Variants in SEMA5A observed in about 807,000 individuals in gnomAD.
SEMA5A encodes the protein semaphorin-5A.
In SEMA5A, 55 loss-of-function variants were observed where a neutral mutation model predicts 135.5. The observed-to-expected ratio is 0.41, with a 90% CI of 0.33 to 0.51. The LOEUF (loss-of-function observed/expected upper bound fraction) is 0.51, where lower values mean the gene tolerates loss of function less well. Among genes scored for constraint, SEMA5A ranks in the 20% least tolerant of loss-of-function variants. The pLI, the probability that SEMA5A is intolerant of heterozygous loss-of-function variation, is 0.37. For missense variants in SEMA5A, 1,290 were observed against 1,419.9 expected, an observed-to-expected ratio of 0.91 and a Z score of 1.47; for synonymous variants, 580 against 546.5, an observed-to-expected ratio of 1.06 and a Z score of -0.85.
chr5:9,537,603 C>T (rs1257982735), intron 1 of SEMA5A, among the ~76,000 whole-genome samples: 1 of 152,126 alleles, frequency 6.6e-6, no homozygotes, highest in African/African-American at 2.4e-5. Context: ...AAAACATGGT[C>T]GTTCTGTAAA....
At chr5:9,295,309 A>G (rs1751282075) in intron 5 of SEMA5A, among the ~76,000 whole-genome samples, 2 of 152,170 alleles carry the variant, frequency 1.3e-5, no homozygotes, top group Admixed American at 6.5e-5. Context: ...CTCTCATCCT[A>G]ACTGCCTTTT....
intron 1 of SEMA5A, among the ~76,000 whole-genome samples, chr5:9,490,927 T>C (rs1734970049): frequency 6.6e-6 from 1 of 152,224 alleles, no homozygotes. Context: ...TGTCTTCTTC[T>C]AGATATACAA....
At chr5:9,102,353 G>A (rs1408898586) in intron 16 of SEMA5A, among the ~76,000 whole-genome samples, 1 of 152,024 alleles carries the variant, frequency 6.6e-6, no homozygotes, top group Non-Finnish European at 1.5e-5. Flanking sequence ...ATACTTTTTT[G>A]AAGTCTAGGA....
At chr5:9,442,177 G>T (rs376458911) in intron 1 of SEMA5A, among the ~76,000 whole-genome samples, 1 of 152,208 alleles carries the variant, frequency 6.6e-6, no homozygotes, top group Admixed American at 6.5e-5. Context: ...CTTTGTTTTG[G>T]GGGGGCTTTA....
intron 1 of SEMA5A, among the ~76,000 whole-genome samples, chr5:9,493,570 A>G (rs1413210557): frequency 1.3e-5 from 2 of 152,194 alleles, no homozygotes; most frequent in East Asian, 3.8e-4. Context: ...AATGGAACTA[A>G]GAAGAGAAAA....
intron 1 of SEMA5A, among the ~76,000 whole-genome samples, chr5:9,442,946 A>G (rs565762151): frequency 4.3e-4 from 65 of 152,342 alleles, no homozygotes; most frequent in African/African-American, 1.5e-3. Context: ...AAAGGACACT[A>G]TTTTTGGAAT....
chr5:9,111,450 C>CACT (rs1740234565), intron 15 of SEMA5A, among the ~76,000 whole-genome samples: 1 of 152,176 alleles, frequency 6.6e-6, no homozygotes. Context: ...GACAGCAGGC[C>CACT]ACTCCTGAAA....
chr5:9,345,976 G>A (rs894106811), intron 3 of SEMA5A, among the ~76,000 whole-genome samples: 5 of 152,144 alleles, frequency 3.3e-5, no homozygotes, highest in Non-Finnish European at 7.4e-5. Context: ...GAGGGTCCCT[G>A]GAGAAGAATC....
chr5:9,478,303 T>A (rs1759747511), intron 1 of SEMA5A, among the ~76,000 whole-genome samples: 1 of 152,112 alleles, frequency 6.6e-6, no homozygotes, highest in Admixed American at 6.5e-5. Context: ...CAGTGTGGGG[T>A]TGGAGGCCCC....
intron 13 of SEMA5A, among the ~76,000 whole-genome samples, chr5:9,130,894 GC>G (rs1275381364): frequency 6.6e-6 from 1 of 152,122 alleles, no homozygotes; most frequent in African/African-American, 2.4e-5. Flanking sequence ...CTTTCCCAGT[GC>G]AGTTTTGGAA....
intron 6 of SEMA5A, 44 bp from the exon 7 acceptor site, chr5:9,227,011 G>A (rs1391183115): frequency 6.2e-5 from 56 of 901,496 alleles, no homozygotes; most frequent in Admixed American, 3.9e-4. Context: ...ATATATATAT[G>A]TATAATGATA....
chr5:9,401,391 A>C (rs1756655926), intron 2 of SEMA5A, among the ~76,000 whole-genome samples: 1 of 152,192 alleles, frequency 6.6e-6, no homozygotes, highest in Admixed American at 6.5e-5. Flanking sequence ...GTCCACCCTT[A>C]ATTATTAAAC....
At chr5:9,087,746 T>A (rs1738779147) in intron 16 of SEMA5A, among the ~76,000 whole-genome samples, 1 of 152,126 alleles carries the variant, frequency 6.6e-6, no homozygotes, top group African/African-American at 2.4e-5. Flanking sequence ...CAGTTACAAA[T>A]CTGTTCTAGA....
intron 1 of SEMA5A, among the ~76,000 whole-genome samples, chr5:9,540,742 A>T (rs3777371): frequency 3.0e-4 from 46 of 152,056 alleles, no homozygotes; most frequent in Non-Finnish European, 5.6e-4. Context: ...TGGCCTCCGA[A>T]GCGTTCTCTT....
At chr5:9,496,724 A>G (rs1314715844) in intron 1 of SEMA5A, among the ~76,000 whole-genome samples, 1 of 152,188 alleles carries the variant, frequency 6.6e-6, no homozygotes, top group Non-Finnish European at 1.5e-5. Flanking sequence ...TAGTCAAGAA[A>G]AAAATGACCA....
chr5:9,325,153 C>G (rs2150686550), intron 4 of SEMA5A, among the ~76,000 whole-genome samples: 1 of 152,120 alleles, frequency 6.6e-6, no homozygotes, highest in Admixed American at 6.5e-5. Context: ...AAATGAAAAG[C>G]AAGAGTTTGC....
intron 1 of SEMA5A, among the ~76,000 whole-genome samples, chr5:9,465,411 G>A (rs12659136): frequency 0.29 from 44,054 of 152,098 alleles, 6,759 homozygotes; most frequent in East Asian, 0.54. Flanking sequence ...AAGACTTATC[G>A]TGTGCCAAGA....
intron 1 of SEMA5A, among the ~76,000 whole-genome samples, chr5:9,495,874 G>T (rs1735275934): frequency 6.6e-6 from 1 of 152,042 alleles, no homozygotes; most frequent in African/African-American, 2.4e-5. Flanking sequence ...CATAGTATTT[G>T]TTTTTACCTG....
At chr5:9,502,659 G>A (rs1392068888) in intron 1 of SEMA5A, among the ~76,000 whole-genome samples, 4 of 152,150 alleles carry the variant, frequency 2.6e-5, no homozygotes, top group Non-Finnish European at 4.4e-5. Context: ...TGGCAGGCTC[G>A]CAGAGAAACC....
Sources: allele counts gnomAD v4.1 joint callset (sites outside exome capture counted in the v4.1 genomes callset), GRCh38; gene constraint gnomAD v4.1.1; transcripts MANE v1.5; gene names NCBI Gene and HGNC (gene_info 2026-07-23, HGNC 2026-07-21).